Variants in SON observed in about 807,000 individuals in gnomAD.
SON encodes SON DNA and RNA binding protein.
SON carries 4 observed loss-of-function variants against 173.3 expected under a neutral mutation model. The observed-to-expected ratio is 0.02, with a 90% CI of 0.01 to 0.05. The LOEUF (loss-of-function observed/expected upper bound fraction) is 0.05, where lower values mean the gene tolerates loss of function less well. Ranked by LOEUF, SON falls within the 10% of genes least tolerant of loss-of-function variation. The pLI is 1.00. For synonymous variants in SON, 1,190 were observed against 1,105.9 expected (o/e 1.08, Z -1.51); for missense variants, 2,626 against 3,055.3 (o/e 0.86, Z 3.31).
intron 9 of SON, among the ~76,000 whole-genome samples, chr21:33,574,706 A>C (rs2086360728): frequency 6.6e-6 from 1 of 152,206 alleles, no homozygotes; most frequent in South Asian, 2.1e-4. Flanking sequence ...ATCAACCGAC[A>C]CACTTCTGGT....
At position 33,554,232 on chromosome 21, in the gene SON, T is replaced by C. The variant is rs765348005; in HGVS notation, c.5001T>C (p.Asp1667=). The change falls in exon 3 of 12, where the codon GAT becomes GAC. Residue 1667 remains aspartate, a synonymous_variant. Transcript: ENST00000356577. ...TGCCTGCTAAAGATATTCATCTTGA[T>C]TTACCATCTAATAATAACCTTGTTA... ...GPLPAKDIHL[D]LPSNNNLVSK... is the part of the protein sequence containing the mutation. 6.2e-7 allele frequency: 1 copy of C among 1,614,104 alleles called. No individual in the cohort carries two copies. The highest frequency in any genetic ancestry group is 1.1e-5 in the South Asian group (1 of 91,090).
Position 33,554,726 on chromosome 21 carries a change from C to T in SON, c.5495C>T (p.Ser1832Phe). The T allele has an allele frequency of 6.2e-7, 1 of 1,613,884 alleles. No individual in the cohort carries two copies. The highest frequency in any genetic ancestry group is 2.2e-5 in the East Asian group (1 of 44,894). ...TCTCGAAGTAAGCGTTCCAAATCTT[C>T]TGAACACAAATCACGCAAGCGTACC... ...LRSRSKRSKS[S>F]EHKSRKRTSE... Residue 1832 changes from serine (S) to phenylalanine (F), a missense_variant, in exon 3 of 12, where the codon TCT becomes TTT. By Grantham distance (155) the Ser-to-Phe change is radical. Transcript: ENST00000356577.
chr21:33,574,696 A>C (rs1485986431), intron 9 of SON, among the ~76,000 whole-genome samples: 1 of 152,230 alleles, frequency 6.6e-6, no homozygotes, highest in Admixed American at 6.5e-5. Flanking sequence ...AAAACCTGGA[A>C]TCAACCGACA....
chr21:33,551,016 G>A lies in SON; in HGVS notation c.1785G>A (p.Glu595=). The A allele has an allele frequency of 6.2e-7, 1 of 1,609,166 alleles. No homozygotes were observed. The change falls in exon 3 of 12, where the codon GAG becomes GAA. Residue 595 remains glutamate (E), a synonymous_variant. Coordinates refer to ENST00000356577, the MANE Select transcript of SON (RefSeq NM_138927.4). ...AGCCTGTGGCAACTGGGGCACTAGA[G>A]TTGCCTGGGCCGCTCATGGCAGCTG... ...SGQPVATGAL[E]LPGPLMAAGA...
At chr21:33,557,719 T>A in intron 4 of SON, 1 of 1,425,066 alleles carries the variant, frequency 7.0e-7, no homozygotes, top group Non-Finnish European at 9.2e-7. Context: ...AGAAATGATC[T>A]TTTGCCACCG....
At chr21:33,562,059 C>T (rs2086079902) in intron 6 of SON, among the ~76,000 whole-genome samples, 1 of 152,040 alleles carries the variant, frequency 6.6e-6, no homozygotes, top group Admixed American at 6.6e-5. Flanking sequence ...GCAGGATTGC[C>T]TTTTGCTTTC....
chr21:33,548,123 T>C (rs185041896), intron 2 of SON, among the ~76,000 whole-genome samples: 131 of 152,204 alleles, frequency 8.6e-4, no homozygotes, highest in Middle Eastern at 3.4e-3. Flanking sequence ...ATAAATCCCA[T>C]CTGGTTGTTA....
chr21:33,548,903 T>C (rs980660440), intron 2 of SON, among the ~76,000 whole-genome samples: 1 of 152,248 alleles, frequency 6.6e-6, no homozygotes, highest in African/African-American at 2.4e-5. Flanking sequence ...TAATAGAATT[T>C]AGTGAAACAT....
At position 33,549,741 on chromosome 21, in the gene SON, T is replaced by A; in HGVS notation, c.510T>A (p.Pro170=). The A allele has an allele frequency of 3.1e-6, 5 of 1,614,156 alleles. No homozygotes were observed. The highest frequency in any genetic ancestry group is 2.7e-5 in the African/African-American group (2 of 75,060). ...SEPSAVALEL[P]TRAFGPSETN... ...CTTCAGCTGTGGCGCTGGAGCTTCC[T>A]ACAAGAGCATTTGGCCCATCTGAGA... Residue 170 remains proline (P), a synonymous_variant, in exon 3 of 12, where the codon CCT becomes CCA. Coordinates refer to ENST00000356577, the MANE Select transcript of SON (RefSeq NM_138927.4).
At chr21:33,566,410 A>G (rs1240095292) in intron 6 of SON, among the ~76,000 whole-genome samples, 2 of 151,564 alleles carry the variant, frequency 1.3e-5, no homozygotes, top group Non-Finnish European at 2.9e-5. Flanking sequence ...GATTACTTTG[A>G]AAAAAAAAGT....
intron 9 of SON, among the ~76,000 whole-genome samples, chr21:33,574,812 C>G (rs957232149): frequency 6.6e-6 from 1 of 152,080 alleles, no homozygotes; most frequent in Non-Finnish European, 1.5e-5. Flanking sequence ...TGTAATAAGT[C>G]TATGGAGAGA....
chr21:33,576,776 G>C lies in SON; in HGVS notation c.*352G>C, dbSNP rs2086410803. 1 of 371,280 alleles carries C rather than the reference G, an allele frequency of 2.7e-6. No homozygotes were observed. The highest frequency in any genetic ancestry group is 3.7e-5 in the Admixed American group (1 of 26,932). 23.0% of individuals were successfully genotyped at this position (371,280 alleles called of 1,614,324 possible). On this transcript the variant is annotated 3_prime_UTR_variant, in exon 12 of 12. Transcript: ENST00000356577. The stretch of plus-strand genomic sequence containing the variant: ...GTATGTTTATATTGTTTACCTTAGT[G>C]ATGTATTTGTTTAAGTGGCTAACAT...
At position 33,577,092 on chromosome 21, in the gene SON, G is replaced by A. The variant is rs1168191104; in HGVS notation, c.*668G>A. The stretch of plus-strand genomic sequence containing the variant: ...TTCTAAAAAGAAAGTGGTATGTTGT[G>A]TGATGATCAGCACTAAGTCCTGCAT... On this transcript the variant is annotated 3_prime_UTR_variant, in exon 12 of 12. Coordinates refer to ENST00000356577, the MANE Select transcript of SON (RefSeq NM_138927.4). 1 of 158,406 alleles carries A rather than the reference G, an allele frequency of 6.3e-6. No individual in the cohort carries two copies. The highest frequency in any genetic ancestry group is 2.4e-5 in the African/African-American group (1 of 41,522). 9.8% of individuals were successfully genotyped at this position (158,406 alleles called of 1,614,324 possible).
At chr21:33,561,935 C>A (rs1158633064) in intron 6 of SON, among the ~76,000 whole-genome samples, 1 of 151,942 alleles carries the variant, frequency 6.6e-6, no homozygotes, top group Non-Finnish European at 1.5e-5. Flanking sequence ...TCTTGTGGGA[C>A]GATATATGTA....
intron 6 of SON, among the ~76,000 whole-genome samples, chr21:33,561,282 A>G (rs572972855): frequency 6.6e-6 from 1 of 152,350 alleles, no homozygotes; most frequent in East Asian, 1.9e-4. Flanking sequence ...GGCTACCTGC[A>G]TATCTCAAGA....
chr21:33,559,193 C>G lies in SON; in HGVS notation c.6322-37C>G. 6.8e-7 allele frequency: 1 copy of G among 1,467,996 alleles called. No homozygotes were observed. The highest frequency in any genetic ancestry group is 9.1e-7 in the Non-Finnish European group (1 of 1,096,164). 90.9% of individuals were successfully genotyped at this position (1,467,996 alleles called of 1,614,324 possible). A position where few individuals can be genotyped will look rare whatever the true frequency, so the allele number is the denominator to read the frequency against. ...AAGAAATTACATGTTCTACATAAAG[C>G]GTAAGATTTATCTTTTGTTTGTTTT... On this transcript the variant is annotated intron_variant, in intron 4 of 11. Coordinates refer to ENST00000356577, the MANE Select transcript of SON (RefSeq NM_138927.4). The surrounding 1 kb of genome is among the most constrained non-coding windows in gnomAD (Gnocchi z 4.1).
At chr21:33,569,609 C>A in intron 8 of SON, 1 of 464,180 alleles carries the variant, frequency 2.2e-6, no homozygotes, top group Non-Finnish European at 4.5e-6. Flanking sequence ...TCTTGGCCCC[C>A]GTTCCTCACT....
In SON at chr21:33,554,512, G is replaced by A. The variant is rs200119213; in HGVS notation, c.5281G>A (p.Val1761Ile). ...GIEGPLLASDVGRDRSAASPV... is the reference protein window; with the variant it reads ...GIEGPLLASDIGRDRSAASPV... ...TGAAGGACCTTTACTTGCAAGTGAT[G>A]TTGGACGTGACAGATCTGCTGCCAG... The change falls in exon 3 of 12, where the codon GTT (valine) becomes ATT (isoleucine). Residue 1761 changes from valine (V) to isoleucine (I), a missense_variant. Val to Ile is a conservative substitution (Grantham distance 29, BLOSUM62 3). Coordinates refer to ENST00000356577, the MANE Select transcript of SON (RefSeq NM_138927.4). 82 of 1,614,030 alleles carry A rather than the reference G, an allele frequency of 5.1e-5. No individual in the cohort carries two copies. The highest frequency in any genetic ancestry group is 3.3e-4 in the Admixed American group (20 of 60,006).
chr21:33,552,264 A>G lies in SON; in HGVS notation c.3033A>G (p.Ser1011=). 6.2e-7 allele frequency: 1 copy of G among 1,614,128 alleles called. No individual in the cohort carries two copies. Among genetic ancestry groups the G allele is most frequent in the Non-Finnish European group, 8.5e-7 (1 of 1,180,008 alleles). ...ATGCTGCAGAACGTTCCATGATGTC[A>G]TCTTACGAACGCTCTATGATGTCTT... ...MSYAAERSMM[S]SYERSMMSYE... The change falls in exon 3 of 12, where the codon TCA becomes TCG. Residue 1011 remains serine (S), a synonymous_variant. Coordinates refer to ENST00000356577, the MANE Select transcript of SON (RefSeq NM_138927.4). The surrounding 1 kb of genome is among the most constrained non-coding windows in gnomAD (Gnocchi z 5.6).
Sources: gnomAD v4.1 joint callset for allele counts (sites outside exome capture counted in the v4.1 genomes callset) on GRCh38, gnomAD v4.1.1 for gene constraint, Gnocchi (gnomAD v3.1) non-coding constraint, MANE v1.5 for transcripts, NCBI Gene and HGNC (gene_info 2026-07-23, HGNC 2026-07-21) for gene names.